The following CHORDC1 variants were observed in gnomAD, a reference collection of about 807,000 sequenced individuals.
The protein encoded by CHORDC1 is cysteine and histidine-rich domain-containing protein 1.
CHORDC1 carries 25 observed loss-of-function variants against 48.3 expected under a neutral mutation model. The observed-to-expected ratio is 0.52, with a 90% CI of 0.38 to 0.72. CHORDC1 has a LOEUF of 0.72. Among genes scored for constraint, CHORDC1 ranks in the 30% least tolerant of loss-of-function variants. The probability of loss-of-function intolerance (pLI) is 0.00; values close to 1 mark genes in which losing one functional copy is unlikely to be tolerated. For missense variants in CHORDC1, 317 were observed against 388.7 expected (o/e 0.82, Z 1.55); for synonymous variants, 128 against 126.4 (o/e 1.01, Z -0.09).
chr11:90,215,623 T>C (rs903553374), intron 2 of CHORDC1, among the ~76,000 whole-genome samples: 4 of 127,238 alleles, frequency 3.1e-5, no homozygotes, highest in African/African-American at 5.3e-5. Flanking sequence ...AAGTTAAAGA[T>C]AGTAACTATC....
At position 90,222,909 on chromosome 11, in the gene CHORDC1, G is replaced by A. The variant is rs749392831; in HGVS notation, c.46C>T (p.Pro16Ser). The A allele has an allele frequency of 2.5e-6, 4 of 1,614,114 alleles. No individual in the cohort carries two copies. Among genetic ancestry groups the A allele is most frequent in the Non-Finnish European group, 2.5e-6 (3 of 1,179,976 alleles). ...YNRGCGQRFD[P>S]ETNSDDACTY... ...CTCTTACCGTCGGAATTGGTCTCAG[G>A]ATCGAAGCGCTGACCGCAGCCCCGG... is the stretch of plus-strand genomic sequence containing the variant. Residue 16 changes from proline to serine, a missense_variant, in exon 1 of 11, where the codon CCT (proline) becomes TCT (serine). Coordinates refer to ENST00000320585, the MANE Select transcript of CHORDC1 (RefSeq NM_012124.3).
In CHORDC1 at chr11:90,211,332, A is replaced by C. The variant is rs745857901; in HGVS notation, c.330-14T>G. On this transcript the variant is annotated splice_polypyrimidine_tract_variant and intron_variant, in intron 4 of 10. Transcript: ENST00000320585. Reference sequence around the variant, plus strand: ...GGTTCATCTGGGCTGGAGAATTTTGAAACCTTATTACCATTATTAATATAC... The same window carrying C: ...GGTTCATCTGGGCTGGAGAATTTTGCAACCTTATTACCATTATTAATATAC... The C allele has an allele frequency of 6.7e-7, 1 of 1,487,666 alleles. No homozygotes were observed. The highest frequency in any genetic ancestry group is 9.4e-7 in the Non-Finnish European group (1 of 1,066,486). 92.2% of individuals were successfully genotyped at this position (1,487,666 alleles called of 1,614,324 possible). A position where few individuals can be genotyped will look rare whatever the true frequency, so the allele number is the denominator to read the frequency against.
chr11:90,206,820 A>T, intron 6 of CHORDC1: 1 of 1,268,246 alleles, frequency 7.9e-7, no homozygotes, highest in Non-Finnish European at 1.0e-6. Flanking sequence ...TCTACAGATG[A>T]ATTCACAAAA....
chr11:90,215,120 T>C, intron 3 of CHORDC1, 54 bp downstream of exon 3: 1 of 1,059,002 alleles, frequency 9.4e-7, no homozygotes, highest in Non-Finnish European at 1.4e-6. Flanking sequence ...ATCTGAAGCT[T>C]TCTATAACAT....
chr11:90,210,648 G>T, intron 5 of CHORDC1, 54 bp from the exon 6 acceptor site: 1 of 1,147,580 alleles, frequency 8.7e-7, no homozygotes, highest in Non-Finnish European at 1.3e-6. Flanking sequence ...ACTTCGCTGT[G>T]GCATCATTCT....
At chr11:90,207,785 A>AAAAAAAC (rs1565168507) in intron 6 of CHORDC1, 1 of 150,504 alleles carries the variant, frequency 6.6e-6, no homozygotes, top group African/African-American at 2.4e-5. Context: ...AAAACAAAAA[A>AAAAAAAC]AACTCGTATA....
intron 1 of CHORDC1, among the ~76,000 whole-genome samples, chr11:90,219,004 G>C (rs184672695): frequency 1.9e-4 from 29 of 151,508 alleles, no homozygotes; most frequent in Non-Finnish European, 3.8e-4. Context: ...GGTGGCTCAT[G>C]CCTGTAATCC....
At chr11:90,222,688 G>C (rs913629060) in intron 1 of CHORDC1, 18 of 700,822 alleles carry the variant, frequency 2.6e-5, no homozygotes, top group African/African-American at 5.3e-5. Context: ...CAGGCGCCGG[G>C]GCCGGGCGCT....
intron 2 of CHORDC1, 35 bp downstream of exon 2, chr11:90,218,100 C>T: frequency 1.4e-6 from 2 of 1,428,474 alleles, no homozygotes; most frequent in Non-Finnish European, 1.9e-6. Flanking sequence ...CAATTTACTA[C>T]ACAGATATGA....
At chr11:90,221,941 T>A (rs1858182127) in intron 1 of CHORDC1, among the ~76,000 whole-genome samples, 1 of 152,204 alleles carries the variant, frequency 6.6e-6, no homozygotes, top group African/African-American at 2.4e-5. Context: ...AGCTTCTCTA[T>A]CAAATGGGTC....
At chr11:90,205,094 C>A (rs1287169490) in intron 8 of CHORDC1, among the ~76,000 whole-genome samples, 1 of 148,694 alleles carries the variant, frequency 6.7e-6, no homozygotes, top group Non-Finnish European at 1.5e-5. Context: ...AAAAGAATAA[C>A]AGAGGTCTAA....
rs973200031 is a variant in CHORDC1, at chr11:90,202,239, G to A, written c.*166C>T. On this transcript the variant is annotated 3_prime_UTR_variant, in exon 11 of 11. Coordinates refer to ENST00000320585, the MANE Select transcript of CHORDC1 (RefSeq NM_012124.3). ...TACATAACACAAAAGAAAGATGAGA[G>A]GCACAAAAAGACAAACTGACTTTGG... 1 of 619,454 alleles carries A rather than the reference G, an allele frequency of 1.6e-6. No individual in the cohort carries two copies. The highest frequency in any genetic ancestry group is 2.8e-6 in the Non-Finnish European group (1 of 352,492). The allele number at this position is 619,454 out of a possible 1,614,324, so 38.4% of individuals were successfully genotyped here.
intron 4 of CHORDC1, chr11:90,211,762 T>C (rs575636030): frequency 6.4e-6 from 1 of 155,350 alleles, no homozygotes; most frequent in Admixed American, 6.5e-5. Flanking sequence ...ATAATTTATG[T>C]GGACACTGGC....
At chr11:90,204,218 A>G (rs982497051) in intron 8 of CHORDC1, among the ~76,000 whole-genome samples, 3 of 152,308 alleles carry the variant, frequency 2.0e-5, no homozygotes, top group African/African-American at 7.2e-5. Context: ...ACATTAAAAA[A>G]CAAGAGAAAT....
Position 90,200,614 on chromosome 11 carries a change from G to A in CHORDC1, c.*1791C>T, listed in dbSNP as rs1565164710. 1.3e-5 allele frequency among the ~76,000 whole-genome samples: 2 copies of A among 151,486 alleles called. No individual in the cohort carries two copies. Among genetic ancestry groups the A allele is most frequent in the East Asian group, 3.9e-4 (2 of 5,168 alleles). The stretch of plus-strand genomic sequence containing the variant: ...GAAAGTAAATACCATGGTCACTAAT[G>A]TAACCAGACTAAATATAAAAGCTAC... On this transcript the variant is annotated 3_prime_UTR_variant, in exon 11 of 11. Transcript: ENST00000320585.
chr11:90,217,014 A>T (rs1033531742), intron 2 of CHORDC1, among the ~76,000 whole-genome samples: 6 of 152,208 alleles, frequency 3.9e-5, no homozygotes. Flanking sequence ...CAAAAAGAAA[A>T]ATAAACATTT....
chr11:90,206,050 C>G (rs1486996773), intron 7 of CHORDC1, 152 bp downstream of exon 7: 1 of 649,900 alleles, frequency 1.5e-6, no homozygotes, highest in African/African-American at 1.8e-5. Flanking sequence ...AACATACAAA[C>G]CCCTGTGTTT....
At chr11:90,220,113 T>C (rs1285897140) in intron 1 of CHORDC1, among the ~76,000 whole-genome samples, 1 of 152,200 alleles carries the variant, frequency 6.6e-6, no homozygotes, top group Admixed American at 6.5e-5. Flanking sequence ...TTATTCTTCT[T>C]CCAATGTGGC....
At chr11:90,205,434 G>A in intron 8 of CHORDC1, 26 bp downstream of exon 8, 1 of 1,183,884 alleles carries the variant, frequency 8.4e-7, no homozygotes, top group South Asian at 1.3e-5. Context: ...TAAACCCAGT[G>A]TGCTATTTTT....
Sources: allele counts gnomAD v4.1 joint callset (sites outside exome capture counted in the v4.1 genomes callset), GRCh38; gene constraint gnomAD v4.1.1; transcripts MANE v1.5; gene names NCBI Gene and HGNC (gene_info 2026-07-23, HGNC 2026-07-21).